The following RBL1 variants were observed in gnomAD, a reference collection of about 807,000 sequenced individuals.
The protein encoded by RBL1 is retinoblastoma-like protein 1.
In RBL1, 82 loss-of-function variants were observed where a neutral mutation model predicts 123.0. The observed-to-expected ratio is 0.67, with a 90% CI of 0.56 to 0.80. The LOEUF is 0.80. Among genes scored for constraint, RBL1 ranks in the 30% least tolerant of loss-of-function variants. The pLI, the probability that RBL1 is intolerant of heterozygous loss-of-function variation, is 0.00. For synonymous variants in RBL1, 405 were observed against 441.3 expected (o/e 0.92, Z 1.03); for missense variants, 1,171 against 1,299.6 (o/e 0.90, Z 1.52).
At chr20:37,080,318 G>A (rs1309462904) in intron 2 of RBL1, among the ~76,000 whole-genome samples, 1 of 151,240 alleles carries the variant, frequency 6.6e-6, no homozygotes, top group Non-Finnish European at 1.5e-5. Flanking sequence ...CACCATGTTC[G>A]GCTGTTTTTT....
intron 16 of RBL1, among the ~76,000 whole-genome samples, chr20:37,031,008 T>G (rs1376884419): frequency 6.6e-6 from 1 of 152,018 alleles, no homozygotes; most frequent in African/African-American, 2.4e-5. Flanking sequence ...ACTGCGTGAC[T>G]GCACTCCAGC....
At position 37,020,661 on chromosome 20, in the gene RBL1, G is replaced by A. The variant is rs745918020; in HGVS notation, c.2629C>T (p.His877Tyr). The change falls in exon 18 of 22, where the codon CAC becomes TAC. Residue 877 changes from histidine (H) to tyrosine (Y), a missense_variant and splice_region_variant. By Grantham distance (83) the His-to-Tyr change is moderately conservative. Coordinates refer to ENST00000373664, the MANE Select transcript of RBL1 (RefSeq NM_002895.5). ...GTAGGAAAAATAATGTAACTCACGTGACTATTAGCTTGGGGCTGATTCCTA... is the reference window on the plus strand; with the variant it reads ...GTAGGAAAAATAATGTAACTCACGTAACTATTAGCTTGGGGCTGATTCCTA... ...SYRNQPQANS[H>Y]VYRSVLLKSI... 3 of 1,572,346 alleles carry A rather than the reference G, an allele frequency of 1.9e-6. No individual in the cohort carries two copies. The highest frequency in any genetic ancestry group is 2.6e-6 in the Non-Finnish European group (3 of 1,154,898).
At chr20:37,082,126 G>A in intron 2 of RBL1, 1 of 398,748 alleles carries the variant, frequency 2.5e-6, no homozygotes, top group Non-Finnish European at 4.9e-6. Context: ...GACAACGCAG[G>A]GGCCTAGGGA....
In RBL1 at chr20:37,093,112, A is replaced by C. The variant is rs552465293; in HGVS notation, c.156+2661T>G. On this transcript the variant is annotated intron_variant, in intron 1 of 21. Transcript: ENST00000373664. ...GCAGTGAATAACTGATTTTGACTAC[A>C]GTTTAGGGAAGGCCTCACAAAAGGA... 1.2e-4 allele frequency among the ~76,000 whole-genome samples: 19 copies of C among 152,220 alleles called. 1 individual carries two copies. The highest frequency in any genetic ancestry group is 3.3e-4 in the Admixed American group (5 of 15,272).
At chr20:37,065,352 T>C in intron 7 of RBL1, 72 bp downstream of exon 7, 1 of 1,192,684 alleles carries the variant, frequency 8.4e-7, no homozygotes, top group South Asian at 1.5e-5. Context: ...CTGTTATGCT[T>C]AACAAATTTC....
intron 1 of RBL1, among the ~76,000 whole-genome samples, chr20:37,094,001 TTG>T: frequency 6.6e-6 from 1 of 152,088 alleles, no homozygotes; most frequent in Non-Finnish European, 1.5e-5. Flanking sequence ...AGAGCAAACA[TTG>T]AAGATGTCCT....
chr20:37,069,694 C>G (rs984585824), intron 2 of RBL1, among the ~76,000 whole-genome samples: 62 of 151,944 alleles, frequency 4.1e-4, no homozygotes, highest in Middle Eastern at 3.5e-3. Flanking sequence ...GCCACCCAGT[C>G]TGGGAAGTGA....
intron 16 of RBL1, among the ~76,000 whole-genome samples, chr20:37,027,184 A>C (rs1467156173): frequency 9.1e-6 from 1 of 110,282 alleles, no homozygotes; most frequent in Non-Finnish European, 2.0e-5. Flanking sequence ...CATTTCTACC[A>C]AAAAAAAAAA....
chr20:37,059,413 C>T (rs1032773015), intron 9 of RBL1, among the ~76,000 whole-genome samples: 1 of 152,104 alleles, frequency 6.6e-6, no homozygotes, highest in African/African-American at 2.4e-5. Context: ...TAGTCAGGGA[C>T]GTCTAGGTAT....
intron 9 of RBL1, among the ~76,000 whole-genome samples, chr20:37,058,518 G>GAA (rs1230762198): frequency 4.4e-4 from 30 of 68,916 alleles, no homozygotes; most frequent in African/African-American, 1.4e-3. Context: ...CGCCTCAAAA[G>GAA]AAAAAAAAAA....
At chr20:37,034,636 T>C (rs935384691) in intron 15 of RBL1, among the ~76,000 whole-genome samples, 3 of 151,870 alleles carry the variant, frequency 2.0e-5, no homozygotes, top group Admixed American at 2.0e-4. Flanking sequence ...TGAGATGAGA[T>C]CATGCTGCTG....
At chr20:37,056,052 A>C (rs147617825) in intron 10 of RBL1, 94 bp downstream of exon 10, 39 of 1,484,110 alleles carry the variant, frequency 2.6e-5, no homozygotes, top group Non-Finnish European at 1.6e-5. Context: ...AAAAAAAGAA[A>C]TAAGAATAAC....
chr20:37,017,620 T>TTGTGTGTG lies in RBL1; in HGVS notation c.2722+651_2722+658dup, dbSNP rs147347259. Among the ~76,000 whole-genome samples, 958 of 139,788 alleles carry TTGTGTGTG rather than the reference T, an allele frequency of 6.9e-3. 14 individuals carry two copies. Among genetic ancestry groups the TTGTGTGTG allele is most frequent in the African/African-American group, 0.022 (807 of 35,936 alleles). 91.7% of individuals were successfully genotyped at this position (139,788 alleles called of 152,430 possible). On this transcript the variant is annotated intron_variant, in intron 19 of 21. Coordinates refer to ENST00000373664, the MANE Select transcript of RBL1 (RefSeq NM_002895.5). ...ATACTTATATGAACAGGACATTTTC[T>TTGTGTGTG]TGTGTGTGTGTGTGTGTGTGTGTGT...
rs749194153 is a variant in RBL1 at position 37,022,752 on chromosome 20, C to T, written c.2457G>A (p.Lys819=). ...KLDVSNELRR[K]IWTCFEFTLV... ...AAGTGAATTCAAAACACGTCCATAT[C>T]TTCCTTCGTAACTCATTTGAAACAT... The change falls in exon 17 of 22, where the codon AAG becomes AAA. Residue 819 remains lysine (K), a synonymous_variant. Transcript: ENST00000373664. 110 of 1,613,754 alleles carry T rather than the reference C, an allele frequency of 6.8e-5. No homozygotes were observed. The highest frequency in any genetic ancestry group is 6.2e-5 in the Non-Finnish European group (73 of 1,179,794).
Position 37,055,623 on chromosome 20 carries a change from A to C in RBL1, c.1397T>G (p.Ile466Ser), listed in dbSNP as rs776981695. 2.8e-5 allele frequency: 45 copies of C among 1,613,672 alleles called. No homozygotes were observed. Among genetic ancestry groups the C allele is most frequent in the Non-Finnish European group, 3.8e-5 (45 of 1,179,884 alleles). The change falls in exon 11 of 22, where the codon ATT becomes AGT. Residue 466 changes from isoleucine (I) to serine (S), a missense_variant. Transcript: ENST00000373664. ...AGTCTCTAGTATTTTATAATACAAAATTTCTGCCAGCTTTAGTCTGTTTAC... is the reference window on the plus strand; with the variant it reads ...AGTCTCTAGTATTTTATAATACAAACTTTCTGCCAGCTTTAGTCTGTTTAC... ...FAVNRLKLAE[I>S]LYYKILETVM...
chr20:37,055,444 G>A (rs1453689192), intron 11 of RBL1, 109 bp downstream of exon 11: 1 of 1,541,754 alleles, frequency 6.5e-7, no homozygotes, highest in African/African-American at 1.4e-5. Flanking sequence ...TCCTGGCCAA[G>A]TGTGTCATAG....
Position 37,044,251 on chromosome 20 carries a change from C to T in RBL1, c.1606-1G>A. Reference sequence around the variant, plus strand: ...CTGAGCGGATCACCACCTCAATAACCTGCAGAGGAGAAAGTGAGAAGGCAA... The same window carrying T: ...CTGAGCGGATCACCACCTCAATAACTTGCAGAGGAGAAAGTGAGAAGGCAA... On this transcript the variant is annotated splice_acceptor_variant, in intron 12 of 21. Coordinates refer to ENST00000373664, the MANE Select transcript of RBL1 (RefSeq NM_002895.5). LOFTEE classifies it high-confidence loss of function. 1 of 1,613,590 alleles carries T rather than the reference C, an allele frequency of 6.2e-7. No homozygotes were observed. The highest frequency in any genetic ancestry group is 8.5e-7 in the Non-Finnish European group (1 of 1,179,808).
At chr20:37,020,203 C>T (rs2064318916) in intron 18 of RBL1, among the ~76,000 whole-genome samples, 2 of 151,844 alleles carry the variant, frequency 1.3e-5, no homozygotes, top group South Asian at 4.2e-4. Flanking sequence ...ATTCTCCTGC[C>T]TCAGCCTCCC....
chr20:37,027,412 G>A (rs1173069305), intron 16 of RBL1, among the ~76,000 whole-genome samples: 1 of 152,154 alleles, frequency 6.6e-6, no homozygotes, highest in East Asian at 1.9e-4. Flanking sequence ...GTACTCGGAG[G>A]GTAATGAAAG....
Sources: allele counts gnomAD v4.1 joint callset (sites outside exome capture counted in the v4.1 genomes callset), GRCh38; gene constraint gnomAD v4.1.1; transcripts MANE v1.5; gene names NCBI Gene and HGNC (gene_info 2026-07-23, HGNC 2026-07-21).